Variants in SAP130 observed in about 807,000 individuals in gnomAD.
SAP130 encodes histone deacetylase complex subunit SAP130.
A neutral mutation model predicts 103.2 loss-of-function variants in SAP130; 16 were observed. That is an observed-to-expected ratio of 0.16 (90% CI 0.10 to 0.24). The LOEUF is 0.24. SAP130 is among the 10% of genes least tolerant of loss of function. SAP130 has a pLI of 1.00. For synonymous variants in SAP130, 477 were observed against 497.0 expected (o/e 0.96, Z 0.53); for missense variants, 990 against 1,359.7 (o/e 0.73, Z 4.28).
intron 15 of SAP130, among the ~76,000 whole-genome samples, chr2:127,958,210 C>G (rs1312657134): frequency 6.6e-6 from 1 of 152,178 alleles, no homozygotes; most frequent in Non-Finnish European, 1.5e-5. Context: ...GTCAGGAGTT[C>G]GAGACCAGCC....
At chr2:128,026,327 A>G (rs747225657) in intron 1 of SAP130, 29 bp from the exon 2 acceptor site, 1 of 1,476,070 alleles carries the variant, frequency 6.8e-7, no homozygotes, top group Non-Finnish European at 9.5e-7. Context: ...TATGGTTATT[A>G]CTAGATTCTG....
chr2:128,011,898 T>C (rs1684423809), intron 6 of SAP130, among the ~76,000 whole-genome samples: 1 of 152,184 alleles, frequency 6.6e-6, no homozygotes, highest in Admixed American at 6.5e-5. Flanking sequence ...CTGCAACCTC[T>C]GCCTCTCGGA....
At chr2:128,020,775 G>A (rs887635864) in intron 2 of SAP130, among the ~76,000 whole-genome samples, 1 of 151,976 alleles carries the variant, frequency 6.6e-6, no homozygotes, top group African/African-American at 2.4e-5. Flanking sequence ...GAGGCAGGTG[G>A]ATCACCTGAG....
At chr2:127,978,755 A>T (rs1380731419) in intron 14 of SAP130, among the ~76,000 whole-genome samples, 2 of 152,224 alleles carry the variant, frequency 1.3e-5, no homozygotes, top group East Asian at 3.8e-4. Context: ...CTAACATCTC[A>T]AAAAGGGTGA....
chr2:127,951,748 A>G (rs1679510309), intron 16 of SAP130, among the ~76,000 whole-genome samples: 2 of 152,214 alleles, frequency 1.3e-5, no homozygotes, highest in African/African-American at 4.8e-5. Context: ...AGGGAGACAC[A>G]CTACCATGCT....
rs747579875 is a variant in SAP130, at chr2:127,942,045, G to C, written c.3135C>G (p.Val1045=). ...TTCGCTTCAATTTGGACACTTTTTT[G>C]ACAGTCCCGTTCTTGTTAAGCAGCT... is the stretch of plus-strand genomic sequence containing the variant. ...VLKLLNKNGT[V]KKVSKLKRKE... The change falls in exon 21 of 21, where the codon GTC becomes GTG. Residue 1045 remains valine, a synonymous_variant. Transcript: ENST00000643581. This position sits in a 1 kb window ranked among gnomAD's most constrained non-coding sequence, Gnocchi z 4.8. 6.2e-7 allele frequency: 1 copy of C among 1,601,642 alleles called. No individual in the cohort carries two copies. The highest frequency in any genetic ancestry group is 1.8e-5 in the Admixed American group (1 of 56,868).
At chr2:128,005,882 A>G in intron 7 of SAP130, among the ~76,000 whole-genome samples, 1 of 152,088 alleles carries the variant, frequency 6.6e-6, no homozygotes, top group East Asian at 2.0e-4. Flanking sequence ...TGCCTGCCTC[A>G]GCCTCCCAGA....
intron 14 of SAP130, among the ~76,000 whole-genome samples, chr2:127,979,176 T>C (rs1573722152): frequency 1.3e-5 from 2 of 152,180 alleles, no homozygotes; most frequent in East Asian, 3.8e-4. Flanking sequence ...GGCAAGGCCA[T>C]GTGACGACGG....
At position 127,952,626 on chromosome 2, in the gene SAP130, C is replaced by T. The variant is rs535356711; in HGVS notation, c.2423-2218G>A. ...TTACCCCATCATTACAGAAAAACTGCTTTTCTCAAGACCTCTGTGACTTCT... is the reference window on the plus strand; with the variant it reads ...TTACCCCATCATTACAGAAAAACTGTTTTTCTCAAGACCTCTGTGACTTCT... On this transcript the variant is annotated intron_variant, in intron 16 of 20. Coordinates refer to ENST00000643581, the MANE Select transcript of SAP130 (RefSeq NM_001330301.2). Among the ~76,000 whole-genome samples the T allele has an allele frequency of 1.3e-4, 20 of 152,172 alleles. No homozygotes were observed. The South Asian group carries it at 4.2e-3, about 32-fold the overall frequency.
In SAP130 at chr2:127,985,680, T is replaced by C. The variant is rs1253873157; in HGVS notation, c.1958+1105A>G. 2.0e-5 allele frequency among the ~76,000 whole-genome samples: 3 copies of C among 151,858 alleles called. No individual in the cohort carries two copies. The East Asian group carries it at 5.8e-4, about 30-fold the overall frequency. On this transcript the variant is annotated intron_variant, in intron 14 of 20. Coordinates refer to ENST00000643581, the MANE Select transcript of SAP130 (RefSeq NM_001330301.2). ...GAAGGGGCGGGTCCCTGGTGAGGGC[T>C]CCACCCCCAGCCTGTGCCCACGGAT...
At chr2:128,021,805 A>C (rs1229159569) in intron 2 of SAP130, among the ~76,000 whole-genome samples, 1 of 152,182 alleles carries the variant, frequency 6.6e-6, no homozygotes, top group Non-Finnish European at 1.5e-5. Context: ...CAGCCATTCT[A>C]GTGGGTTGTA....
At chr2:128,027,857 C>T in intron 1 of SAP130, 83 bp downstream of exon 1, 3 of 886,062 alleles carry the variant, frequency 3.4e-6, no homozygotes, top group Non-Finnish European at 4.1e-6. Flanking sequence ...GGACGCGCAA[C>T]GGGACGGACG....
chr2:127,962,802 A>G (rs995906764), intron 15 of SAP130, among the ~76,000 whole-genome samples: 21 of 152,090 alleles, frequency 1.4e-4, no homozygotes, highest in Non-Finnish European at 2.1e-4. Flanking sequence ...TGGGTGCAGC[A>G]TACCAACACG....
At chr2:128,022,970 T>C (rs1420260324) in intron 2 of SAP130, among the ~76,000 whole-genome samples, 1 of 151,842 alleles carries the variant, frequency 6.6e-6, no homozygotes, top group Non-Finnish European at 1.5e-5. Flanking sequence ...GCTGGGACTA[T>C]AGGCATGAGC....
intron 3 of SAP130, among the ~76,000 whole-genome samples, chr2:128,017,100 C>T (rs1209151546): frequency 1.3e-5 from 2 of 152,174 alleles, no homozygotes; most frequent in Non-Finnish European, 2.9e-5. Flanking sequence ...GGCGGGCAGA[C>T]CACTTGAGGC....
intron 2 of SAP130, among the ~76,000 whole-genome samples, chr2:128,022,328 G>A (rs1208785694): frequency 6.6e-6 from 1 of 152,150 alleles, no homozygotes; most frequent in Non-Finnish European, 1.5e-5. Flanking sequence ...CTGCACGGAT[G>A]GACACACAAC....
intron 14 of SAP130, among the ~76,000 whole-genome samples, chr2:127,979,328 T>C (rs1490440465): frequency 1.3e-5 from 2 of 152,326 alleles, no homozygotes; most frequent in East Asian, 3.9e-4. Flanking sequence ...GATTTCTAGC[T>C]ACTGGAACTA....
Position 127,941,941 on chromosome 2 carries a change from A to AAACTCCC in SAP130, c.*64_*65insGGGAGTT. 1 of 276,732 alleles carries AAACTCCC rather than the reference A, an allele frequency of 3.6e-6. No individual in the cohort carries two copies. The highest frequency in any genetic ancestry group is 2.7e-5 in the South Asian group (1 of 37,576). The allele number at this position is 276,732 out of a possible 1,614,324, so 17.1% of individuals were successfully genotyped here. ...ATGTTCCACTTTGGAAAAAACCAAA[A>AAACTCCC]CCCTCCCCCCACCCCCACCATCATT... On this transcript the variant is annotated 3_prime_UTR_variant, in exon 21 of 21. Coordinates refer to ENST00000643581, the MANE Select transcript of SAP130 (RefSeq NM_001330301.2).
intron 5 of SAP130, among the ~76,000 whole-genome samples, chr2:128,014,490 CCA>C (rs1684631690): frequency 6.6e-6 from 1 of 152,126 alleles, no homozygotes. Flanking sequence ...ACGCATGCCA[CCA>C]CACCTGGCTA....
Sources: gnomAD v4.1 joint callset for allele counts (sites outside exome capture counted in the v4.1 genomes callset) on GRCh38, gnomAD v4.1.1 for gene constraint, Gnocchi (gnomAD v3.1) non-coding constraint, MANE v1.5 for transcripts, NCBI Gene and HGNC (gene_info 2026-07-23, HGNC 2026-07-21) for gene names.